Variants in GIGYF2 observed in about 807,000 individuals in gnomAD.
GIGYF2 encodes GRB10-interacting GYF protein 2.
Under a neutral mutation model 208.1 loss-of-function variants are expected in GIGYF2, and 25 were observed. The ratio of observed to expected loss-of-function variants is 0.12; its 90% CI spans 0.09 to 0.17. The LOEUF (loss-of-function observed/expected upper bound fraction) is 0.17, where lower values mean the gene tolerates loss of function less well. GIGYF2 is among the 10% of genes least tolerant of loss of function. The pLI, the probability that GIGYF2 is intolerant of heterozygous loss-of-function variation, is 1.00. For synonymous variants in GIGYF2, 534 were observed against 543.8 expected, an observed-to-expected ratio of 0.98 and a Z score of 0.25; for missense variants, 1,302 against 1,579.4, an observed-to-expected ratio of 0.82 and a Z score of 2.98.
intron 2 of GIGYF2, among the ~76,000 whole-genome samples, chr2:232,713,000 G>A (rs112004313): frequency 0.018 from 2,733 of 152,034 alleles, 89 homozygotes; most frequent in African/African-American, 0.062. Context: ...CTACTAGCCA[G>A]TTGTGTCTGT....
chr2:232,851,162 A>C (rs1690302818), intron 28 of GIGYF2, among the ~76,000 whole-genome samples: 2 of 152,166 alleles, frequency 1.3e-5, no homozygotes, highest in Non-Finnish European at 2.9e-5. Context: ...CTCTAAAAAA[A>C]ATTTTAAAAA....
intron 3 of GIGYF2, among the ~76,000 whole-genome samples, chr2:232,746,941 G>GT (rs1477997531): frequency 6.6e-6 from 1 of 152,038 alleles, no homozygotes; most frequent in African/African-American, 2.4e-5. Context: ...TCTAAATGTT[G>GT]TATTTGTCAA....
At chr2:232,849,679 T>A (rs551143969) in intron 27 of GIGYF2, among the ~76,000 whole-genome samples, 1 of 152,316 alleles carries the variant, frequency 6.6e-6, no homozygotes, top group Non-Finnish European at 1.5e-5. Context: ...TGCCTTCAAC[T>A]GGCTCATTGG....
chr2:232,812,470 C>T lies in GIGYF2; in HGVS notation c.2086C>T (p.Pro696Ser). Reference protein sequence around the residue: ...PDTGSIWELQPTASQPTVWEG... With the variant: ...PDTGSIWELQSTASQPTVWEG... Reference sequence around the variant, plus strand: ...TACTGGCTCTATCTGGGAGCTTCAGCCAACAGCTTCACAGCCTACAGGTAA... The same window carrying T: ...TACTGGCTCTATCTGGGAGCTTCAGTCAACAGCTTCACAGCCTACAGGTAA... Residue 696 changes from proline (P) to serine (S), a missense_variant, in exon 18 of 29, where the codon CCA becomes TCA. Physicochemically the swap from Pro to Ser is moderately conservative, Grantham distance 74. Transcript: ENST00000373563. 1.4e-6 allele frequency: 2 copies of T among 1,467,026 alleles called. No individual in the cohort carries two copies. Among genetic ancestry groups the T allele is most frequent in the Non-Finnish European group, 9.6e-7 (1 of 1,046,168 alleles). The allele number at this position is 1,467,026 out of a possible 1,614,324, so 90.9% of individuals were successfully genotyped here.
At chr2:232,704,207 C>T (rs1695981033) in intron 2 of GIGYF2, among the ~76,000 whole-genome samples, 1 of 152,172 alleles carries the variant, frequency 6.6e-6, no homozygotes, top group African/African-American at 2.4e-5. Flanking sequence ...AGAATGGTGA[C>T]TATTCTAGGT....
chr2:232,708,828 AT>A (rs1174575409), intron 2 of GIGYF2, among the ~76,000 whole-genome samples: 3 of 147,894 alleles, frequency 2.0e-5, no homozygotes, highest in Non-Finnish European at 4.5e-5. Flanking sequence ...AAAAAAAAAA[AT>A]TTTTTTTTCT....
intron 12 of GIGYF2, among the ~76,000 whole-genome samples, chr2:232,792,275 G>A (rs752420970): frequency 2.0e-5 from 3 of 152,038 alleles, no homozygotes; most frequent in Non-Finnish European, 4.4e-5. Context: ...AACTAGGGTA[G>A]GTGTCTTCTT....
chr2:232,730,278 A>G (rs1349788302), intron 2 of GIGYF2: 4 of 691,164 alleles, frequency 5.8e-6, no homozygotes, highest in South Asian at 3.7e-5. Context: ...GAGGAAAAAA[A>G]TATTCTTAGG....
At chr2:232,721,300 G>T (rs1331449126) in intron 2 of GIGYF2, among the ~76,000 whole-genome samples, 1 of 152,152 alleles carries the variant, frequency 6.6e-6, no homozygotes, top group Non-Finnish European at 1.5e-5. Context: ...TTCTTCCCTT[G>T]ACCAAATCTC....
intron 14 of GIGYF2, among the ~76,000 whole-genome samples, chr2:232,798,990 A>G (rs781170988): frequency 4.6e-5 from 7 of 150,772 alleles, no homozygotes; most frequent in Non-Finnish European, 1.0e-4. Flanking sequence ...ATCTGTTTCT[A>G]TGAATTTTCT....
intron 8 of GIGYF2, among the ~76,000 whole-genome samples, chr2:232,763,570 A>G (rs1212273054): frequency 6.6e-6 from 1 of 152,172 alleles, no homozygotes; most frequent in African/African-American, 2.4e-5. Flanking sequence ...CGCACCTGTA[A>G]TCCTAGAACT....
Position 232,856,849 on chromosome 2 carries a change from G to T in GIGYF2, c.3889G>T (p.Asp1297Tyr). The change falls in exon 29 of 29, where the codon GAT (aspartate) becomes TAT (tyrosine). Residue 1297 changes from aspartate (D) to tyrosine (Y), a missense_variant. Asp to Tyr is a radical substitution (Grantham distance 160). This residue lies in a region of GIGYF2 where 25 missense variants were observed against 53.7 expected (regional missense o/e 0.47). Transcript: ENST00000373563. ...CAACATGGGTGAAATCGAGACGTTG[G>T]ATGACTACTGAGCACCTGCCAGTGG... ...RLNMGEIETLDDY is the reference protein window; with the variant it reads ...RLNMGEIETLYDY 1 of 1,610,108 alleles carries T rather than the reference G, an allele frequency of 6.2e-7. No homozygotes were observed. Among genetic ancestry groups the T allele is most frequent in the Non-Finnish European group, 8.5e-7 (1 of 1,176,324 alleles).
intron 21 of GIGYF2, 78 bp downstream of exon 21, chr2:232,820,063 G>C: frequency 6.5e-7 from 1 of 1,542,388 alleles, no homozygotes; most frequent in Non-Finnish European, 8.9e-7. Context: ...GGACATTAAG[G>C]TAGCCTATCT....
chr2:232,783,408 A>T (rs528983043), intron 8 of GIGYF2, among the ~76,000 whole-genome samples: 5 of 149,446 alleles, frequency 3.3e-5, no homozygotes, highest in Non-Finnish European at 6.0e-5. Flanking sequence ...TTTGTTTTTT[A>T]TTTTTTTTGG....
rs149457596 is a variant in GIGYF2 at position 232,757,649 on chromosome 2, A to G, written c.379+1315A>G. ...TGGGTTGGTAGCAAGGAGAGGTTGT[A>G]CTTGGGCAGCTTTGCCTCCAGTGCT... On this transcript the variant is annotated intron_variant, in intron 6 of 28. Transcript: ENST00000373563. Among the ~76,000 whole-genome samples the G allele has an allele frequency of 3.0e-3, 462 of 152,080 alleles. 1 individual carries two copies. The highest frequency in any genetic ancestry group is 0.011 in the African/African-American group (445 of 41,462).
rs766729188 is a variant in GIGYF2, at chr2:232,730,159, C to T, written c.-43-4996C>T. ...TTGTCCGCCAGGTAATTGTTGAGCA[C>T]CTGGAGGCCGGCAGGGCTTTTCAGG... is the stretch of plus-strand genomic sequence containing the variant. On this transcript the variant is annotated intron_variant, in intron 2 of 28. Coordinates refer to ENST00000373563, the MANE Select transcript of GIGYF2 (RefSeq NM_001103146.3). 2.0e-6 allele frequency: 3 copies of T among 1,504,232 alleles called. No individual in the cohort carries two copies. In the South Asian group the frequency reaches 3.5e-5, roughly 17 times the overall value. The allele number at this position is 1,504,232 out of a possible 1,614,324, so 93.2% of individuals were successfully genotyped here.
rs777409563 is a variant in GIGYF2, at chr2:232,748,996, G to T, written c.181G>T (p.Asp61Tyr). ...GTGTTTGGTCCTACAGATACCTTCA[G>T]ACCTTCTGGATAAAGAATTTCTGCC... is the stretch of plus-strand genomic sequence containing the variant. ...LFLKDNKIPS[D>Y]LLDKEFLPIL... The change falls in exon 5 of 29, where the codon GAC becomes TAC. Residue 61 changes from aspartate to tyrosine, a missense_variant. Asp to Tyr is a radical substitution (Grantham distance 160). Around this residue, in one of 8 missense-constraint regions of GIGYF2, gnomAD observed 189 missense variants for 257.7 expected, o/e 0.73. Coordinates refer to ENST00000373563, the MANE Select transcript of GIGYF2 (RefSeq NM_001103146.3). The T allele has an allele frequency of 4.5e-6, 7 of 1,557,450 alleles. No homozygotes were observed. The highest frequency in any genetic ancestry group is 1.1e-5 in the South Asian group (1 of 89,952).
chr2:232,782,646 CAAT>C lies in GIGYF2; in HGVS notation c.533-4503_533-4501del, dbSNP rs1464590947. On this transcript the variant is annotated intron_variant, in intron 8 of 28. Transcript: ENST00000373563. ...TAAAAGACCAAAATATTCCCTGTAA[CAAT>C]GAGAATGAATCTCCTGTGCTTGCTT... 2.6e-5 allele frequency: 4 copies of C among 152,176 alleles called. No individual in the cohort carries two copies. In the East Asian group the frequency reaches 5.8e-4, roughly 22 times the overall value. The allele number at this position is 152,176 out of a possible 1,614,324, so 9.4% of individuals were successfully genotyped here. A position where few individuals can be genotyped will look rare whatever the true frequency, so the allele number is the denominator to read the frequency against.
chr2:232,710,335 C>T (rs1470769955), intron 2 of GIGYF2, among the ~76,000 whole-genome samples: 2 of 152,148 alleles, frequency 1.3e-5, no homozygotes, highest in Non-Finnish European at 2.9e-5. Context: ...GCAATCCTCC[C>T]ACCTTGGCCT....
Sources: allele counts gnomAD v4.1 joint callset (sites outside exome capture counted in the v4.1 genomes callset), GRCh38; gene constraint gnomAD v4.1.1; regional missense constraint gnomAD v4.1.1; transcripts MANE v1.5; gene names NCBI Gene and HGNC (gene_info 2026-07-23, HGNC 2026-07-21).